HPSE2: variants seen among roughly 807,000 people sequenced by gnomAD.
The protein encoded by HPSE2 is inactive heparanase-2.
In HPSE2, 38 loss-of-function variants were observed where a neutral mutation model predicts 60.5. The ratio of observed to expected loss-of-function variants is 0.63; its 90% CI spans 0.48 to 0.82. The LOEUF (loss-of-function observed/expected upper bound fraction) is 0.82. HPSE2 is among the 40% of genes least tolerant of loss of function. HPSE2 has a pLI of 0.00. For missense variants in HPSE2, 713 were observed against 740.4 expected (o/e 0.96, Z 0.43); for synonymous variants, 295 against 293.2 (o/e 1.01, Z -0.06).
At chr10:99,082,148 T>C (rs918484749) in intron 3 of HPSE2, among the ~76,000 whole-genome samples, 2 of 152,156 alleles carry the variant, frequency 1.3e-5, no homozygotes, top group African/African-American at 4.8e-5. Context: ...GGGGCAGAGA[T>C]GGCAAAGAAA....
chr10:98,559,771 TG>T (rs1421403310), intron 9 of HPSE2, among the ~76,000 whole-genome samples: 1 of 152,134 alleles, frequency 6.6e-6, no homozygotes, highest in African/African-American at 2.4e-5. Context: ...TATAAGAATG[TG>T]GGAAGTCTGA....
At chr10:98,541,184 T>C (rs1943444699) in intron 9 of HPSE2, among the ~76,000 whole-genome samples, 1 of 152,244 alleles carries the variant, frequency 6.6e-6, no homozygotes, top group South Asian at 2.1e-4. Flanking sequence ...ATACTGCAAC[T>C]CTAGTGTTTC....
At chr10:99,015,843 T>TA (rs979050520) in intron 3 of HPSE2, among the ~76,000 whole-genome samples, 5 of 151,390 alleles carry the variant, frequency 3.3e-5, no homozygotes, top group East Asian at 1.9e-4. Context: ...AGATAAAAAC[T>TA]AAAAAAAAAG....
At chr10:99,312,000 G>T in the HPSE2 span, among the ~76,000 whole-genome samples, 1 of 152,232 alleles carries the variant, frequency 6.6e-6, no homozygotes, top group Admixed American at 6.5e-5. Context: ...TTAAGCCAAA[G>T]CCTAATCCAG....
chr10:99,314,362 C>T, the HPSE2 span, among the ~76,000 whole-genome samples: 1 of 151,844 alleles, frequency 6.6e-6, no homozygotes, highest in African/African-American at 2.4e-5. Context: ...AGGGTTTCGC[C>T]ATATTGCCCA....
At chr10:99,138,684 T>C (rs538676320) in intron 3 of HPSE2, among the ~76,000 whole-genome samples, 4 of 151,624 alleles carry the variant, frequency 2.6e-5, no homozygotes, top group South Asian at 2.1e-4. Context: ...TAAGTGGGAG[T>C]TGAACAATGA....
intron 3 of HPSE2, among the ~76,000 whole-genome samples, chr10:98,789,197 G>C (rs1253465466): frequency 6.6e-6 from 1 of 152,196 alleles, no homozygotes; most frequent in Non-Finnish European, 1.5e-5. Context: ...TGAATATAAA[G>C]ATGGTAACTT....
intron 3 of HPSE2, among the ~76,000 whole-genome samples, chr10:99,092,224 C>T (rs907555101): frequency 5.9e-5 from 9 of 152,090 alleles, no homozygotes; most frequent in Non-Finnish European, 8.8e-5. Context: ...CAACCTCTTC[C>T]CACCACACAA....
chr10:98,573,656 T>G (rs1944564887), intron 9 of HPSE2, among the ~76,000 whole-genome samples: 1 of 152,178 alleles, frequency 6.6e-6, no homozygotes, highest in African/African-American at 2.4e-5. Context: ...ACCTCGCACT[T>G]TTTCAAAAAG....
At chr10:99,107,491 A>G (rs963713990) in intron 3 of HPSE2, among the ~76,000 whole-genome samples, 6 of 152,170 alleles carry the variant, frequency 3.9e-5, no homozygotes, top group African/African-American at 1.2e-4. Context: ...GCCGTCTTCT[A>G]CCTCAAGCAA....
At chr10:98,586,779 A>G (rs534328838) in intron 9 of HPSE2, among the ~76,000 whole-genome samples, 1 of 152,326 alleles carries the variant, frequency 6.6e-6, no homozygotes, top group African/African-American at 2.4e-5. Flanking sequence ...ATACCATGCC[A>G]TGTTTCTCCT....
chr10:99,084,193 G>C (rs1843242592), intron 3 of HPSE2, among the ~76,000 whole-genome samples: 1 of 152,086 alleles, frequency 6.6e-6, no homozygotes, highest in Non-Finnish European at 1.5e-5. Context: ...ATGCTAGGCA[G>C]AGTAACGCAG....
chr10:99,108,946 C>T (rs773916320), intron 3 of HPSE2, among the ~76,000 whole-genome samples: 8 of 152,202 alleles, frequency 5.3e-5, no homozygotes, highest in Admixed American at 1.3e-4. Context: ...AGTTCCACAA[C>T]ACTTTATCCT....
intron 10 of HPSE2, among the ~76,000 whole-genome samples, chr10:98,488,351 T>C (rs556578711): frequency 2.0e-5 from 3 of 152,350 alleles, no homozygotes; most frequent in African/African-American, 7.2e-5. Context: ...CATTTGTTCA[T>C]TCATTTGCAA....
At chr10:99,125,817 T>C (rs929453527) in intron 3 of HPSE2, among the ~76,000 whole-genome samples, 2 of 152,208 alleles carry the variant, frequency 1.3e-5, no homozygotes, top group South Asian at 2.1e-4. Context: ...TAGGCACTCC[T>C]AGTCTTTAGC....
intron 8 of HPSE2, among the ~76,000 whole-genome samples, chr10:98,618,703 A>G (rs1450571965): frequency 6.6e-6 from 1 of 152,138 alleles, no homozygotes; most frequent in African/African-American, 2.4e-5. Context: ...CAGCCTCCCA[A>G]GTAGCTGGGA....
At chr10:98,773,431 A>G (rs1950280637) in intron 3 of HPSE2, among the ~76,000 whole-genome samples, 1 of 152,192 alleles carries the variant, frequency 6.6e-6, no homozygotes, top group Admixed American at 6.6e-5. Context: ...CTTTTAGGAT[A>G]TATAGCAGTG....
At chr10:98,898,211 A>T (rs1159323131) in intron 3 of HPSE2, among the ~76,000 whole-genome samples, 1 of 152,174 alleles carries the variant, frequency 6.6e-6, no homozygotes, top group African/African-American at 2.4e-5. Flanking sequence ...TTACAATCCA[A>T]CAATCACACT....
chr10:99,040,921 C>A (rs551930380), intron 3 of HPSE2, among the ~76,000 whole-genome samples: 3 of 151,876 alleles, frequency 2.0e-5, no homozygotes, highest in African/African-American at 7.3e-5. Context: ...CCTGTCTCTA[C>A]GAAAAATACA....
Sources: allele counts gnomAD v4.1 joint callset (sites outside exome capture counted in the v4.1 genomes callset), GRCh38; gene constraint gnomAD v4.1.1; transcripts MANE v1.5; gene names NCBI Gene and HGNC (gene_info 2026-07-23, HGNC 2026-07-21).